Variants in CEP68 observed in about 807,000 individuals in gnomAD.
CEP68 encodes the protein centrosomal protein of 68 kDa.
Under a neutral mutation model 55.3 loss-of-function variants are expected in CEP68, and 26 were observed. That is an observed-to-expected ratio of 0.47 (90% CI 0.34 to 0.65). The LOEUF is 0.65. Among genes scored for constraint, CEP68 ranks in the 30% least tolerant of loss-of-function variants. CEP68 has a pLI of 0.01. For missense variants in CEP68, 957 were observed against 946.7 expected (o/e 1.01, Z -0.14); for synonymous variants, 402 against 383.2 (o/e 1.05, Z -0.57).
intron 1 of CEP68, among the ~76,000 whole-genome samples, chr2:65,061,565 T>A (rs986975821): frequency 6.6e-6 from 1 of 152,224 alleles, no homozygotes; most frequent in Non-Finnish European, 1.5e-5. Context: ...TTACTTTGAT[T>A]TTACCTGCAG....
intron 1 of CEP68, among the ~76,000 whole-genome samples, chr2:65,058,189 C>G (rs1374175504): frequency 6.6e-6 from 1 of 152,120 alleles, no homozygotes; most frequent in Non-Finnish European, 1.5e-5. Context: ...TTCAGGATCT[C>G]TCTGTTTTTT....
chr2:65,082,737 T>C, intron 6 of CEP68, 28 bp downstream of exon 6: 4 of 1,514,648 alleles, frequency 2.6e-6, no homozygotes, highest in Non-Finnish European at 3.5e-6. Flanking sequence ...AAAAGAAAAT[T>C]TGCCCACCAA....
rs901401430 is a variant in CEP68 at position 65,074,274 on chromosome 2, C to G, written c.1885-8C>G. On this transcript the variant is annotated splice_polypyrimidine_tract_variant and splice_region_variant and intron_variant, in intron 3 of 6. Transcript: ENST00000377990. ...TAACACCATGTGTCCTTTTATTTGTCTCTGCAGACATTTTGCTGTCAGCTG... is the reference window on the plus strand; with the variant it reads ...TAACACCATGTGTCCTTTTATTTGTGTCTGCAGACATTTTGCTGTCAGCTG... The G allele has an allele frequency of 6.2e-7, 1 of 1,613,854 alleles. No individual in the cohort carries two copies. Among genetic ancestry groups the G allele is most frequent in the Non-Finnish European group, 8.5e-7 (1 of 1,179,792 alleles).
chr2:65,065,973 C>A lies in CEP68; in HGVS notation c.-46-3426C>A, dbSNP rs890311488. ...TTCATCTTAAAAAAAAAAAAAAAAACACAAGATTATGATTTACCTGCTTAC... is the reference window on the plus strand; with the variant it reads ...TTCATCTTAAAAAAAAAAAAAAAAAAACAAGATTATGATTTACCTGCTTAC... On this transcript the variant is annotated intron_variant, in intron 1 of 6. Transcript: ENST00000377990. 6.3e-5 allele frequency among the ~76,000 whole-genome samples: 9 copies of A among 142,682 alleles called. No individual in the cohort carries two copies. The South Asian group carries it at 6.5e-4, about 10-fold the overall frequency. 93.6% of individuals were successfully genotyped at this position (142,682 alleles called of 152,430 possible).
intron 4 of CEP68, 95 bp downstream of exon 4, chr2:65,074,499 A>G (rs1323207815): frequency 6.4e-7 from 1 of 1,551,282 alleles, no homozygotes; most frequent in Non-Finnish European, 8.9e-7. Context: ...AATGTCTGGT[A>G]TGTTATAGCT....
chr2:65,072,592 T>C lies in CEP68; in HGVS notation c.1496T>C (p.Leu499Pro). ...CAGGTTTCTAGCCTGGTTTCGTATC[T>C]AGGATCCATTTCTACCTTGGTTACC... ...LTQVSSLVSY[L>P]GSISTLVTLP... The change falls in exon 3 of 7, where the codon CTA becomes CCA. Residue 499 changes from leucine (L) to proline (P), a missense_variant. Physicochemically the swap from Leu to Pro is moderately conservative, Grantham distance 98. Transcript: ENST00000377990. The C allele has an allele frequency of 6.2e-7, 1 of 1,613,982 alleles. No homozygotes were observed. Among genetic ancestry groups the C allele is most frequent in the Non-Finnish European group, 8.5e-7 (1 of 1,179,976 alleles).
At chr2:65,060,214 C>T (rs545641401) in intron 1 of CEP68, among the ~76,000 whole-genome samples, 1 of 142,596 alleles carries the variant, frequency 7.0e-6, no homozygotes, top group South Asian at 2.3e-4. Context: ...TTGTAGCAGC[C>T]AAAGCAAAGA....
chr2:65,058,409 G>T (rs1558551915), intron 1 of CEP68, among the ~76,000 whole-genome samples: 1 of 150,630 alleles, frequency 6.6e-6, no homozygotes, highest in Non-Finnish European at 1.5e-5. Context: ...TCTCTATATT[G>T]CCCAGGCTTG....
Position 65,065,865 on chromosome 2 carries a change from A to T in CEP68, c.-46-3534A>T, listed in dbSNP as rs531571893. On this transcript the variant is annotated intron_variant, in intron 1 of 6. Transcript: ENST00000377990. ...CAGCTACTCAGAAGGCTGAAGCAGGAGAATTGCTTGAAGCCAGGGGCCGGA... is the reference window on the plus strand; with the variant it reads ...CAGCTACTCAGAAGGCTGAAGCAGGTGAATTGCTTGAAGCCAGGGGCCGGA... 4.9e-4 allele frequency among the ~76,000 whole-genome samples: 75 copies of T among 151,780 alleles called. 1 individual carries two copies. The highest frequency in any genetic ancestry group is 1.4e-3 in the African/African-American group (60 of 41,408).
At chr2:65,077,120 C>G (rs973071705) in intron 4 of CEP68, among the ~76,000 whole-genome samples, 2 of 151,176 alleles carry the variant, frequency 1.3e-5, no homozygotes, top group Non-Finnish European at 2.9e-5. Context: ...CTCACCCTCC[C>G]GAGTAGCTGG....
At chr2:65,068,536 G>C (rs966019802) in intron 1 of CEP68, among the ~76,000 whole-genome samples, 3 of 152,214 alleles carry the variant, frequency 2.0e-5, no homozygotes, top group Non-Finnish European at 4.4e-5. Context: ...GAGAGTTGCT[G>C]ATCTCTTTCT....
rs1300350628 is a variant in CEP68, at chr2:65,084,379, C to G, written c.*745C>G. On this transcript the variant is annotated 3_prime_UTR_variant, in exon 7 of 7. Transcript: ENST00000377990. Reference sequence around the variant, plus strand: ...TTTGGGAGGACTCCTCCCTTCACTCCTAGTCTCCCTTGGAAGAGCAGTCCA... The same window carrying G: ...TTTGGGAGGACTCCTCCCTTCACTCGTAGTCTCCCTTGGAAGAGCAGTCCA... 2 of 152,170 alleles carry G rather than the reference C, an allele frequency of 1.3e-5. No individual in the cohort carries two copies. Among genetic ancestry groups the G allele is most frequent in the Non-Finnish European group, 2.9e-5 (2 of 68,044 alleles). 9.4% of individuals were successfully genotyped at this position (152,170 alleles called of 1,614,324 possible).
At chr2:65,070,944 G>C (rs1676430230) in intron 2 of CEP68, 1 of 159,474 alleles carries the variant, frequency 6.3e-6, no homozygotes, top group Non-Finnish European at 1.4e-5. Context: ...TCCCTCGGGG[G>C]TGAGTTCTTC....
At position 65,071,997 on chromosome 2, in the gene CEP68, G is replaced by A. The variant is rs775098664; in HGVS notation, c.901G>A (p.Asp301Asn). 1.2e-6 allele frequency: 2 copies of A among 1,613,022 alleles called. No homozygotes were observed. Among genetic ancestry groups the A allele is most frequent in the Non-Finnish European group, 1.7e-6 (2 of 1,179,990 alleles). Residue 301 changes from aspartate to asparagine, a missense_variant, in exon 3 of 7, where the codon GAT becomes AAT. Transcript: ENST00000377990. ...CTGGAACCCAAATAAAGAGTATGAA[G>A]ATCTGCTTGACTATACTTACCCACT... Reference protein sequence around the residue: ...PLWNPNKEYEDLLDYTYPLRP... With the variant: ...PLWNPNKEYENLLDYTYPLRP...
chr2:65,073,439 G>A, intron 3 of CEP68: 1 of 266,508 alleles, frequency 3.8e-6, no homozygotes, highest in Admixed American at 5.0e-5. Context: ...CAAAGTTAGG[G>A]GCATTGGATG....
intron 1 of CEP68, among the ~76,000 whole-genome samples, chr2:65,062,023 T>G (rs1675933730): frequency 6.6e-6 from 1 of 152,232 alleles, no homozygotes. Flanking sequence ...TGCCACTGTG[T>G]GTTCATGGCA....
In CEP68 at chr2:65,071,479, C is replaced by G. The variant is rs1676458477; in HGVS notation, c.383C>G (p.Ser128Cys). The G allele has an allele frequency of 6.2e-6, 10 of 1,614,026 alleles. No individual in the cohort carries two copies. The highest frequency in any genetic ancestry group is 6.8e-6 in the Non-Finnish European group (8 of 1,179,894). The change falls in exon 3 of 7, where the codon TCC becomes TGC. Residue 128 changes from serine (S) to cysteine (C), a missense_variant. Transcript: ENST00000377990. Reference sequence around the variant, plus strand: ...GTGGAGAAGACCAAGCTTTCTTCCTCCGAGGAGTTCCCTCAGACTCTGAGC... The same window carrying G: ...GTGGAGAAGACCAAGCTTTCTTCCTGCGAGGAGTTCCCTCAGACTCTGAGC... ...SQVEKTKLSS[S>C]EEFPQTLSLP...
chr2:65,079,339 G>A (rs1463080996), intron 5 of CEP68, among the ~76,000 whole-genome samples: 1 of 152,154 alleles, frequency 6.6e-6, no homozygotes, highest in Admixed American at 6.5e-5. Context: ...CAGCACCCCT[G>A]GCCCCAGTAA....
chr2:65,074,443 G>T, intron 4 of CEP68, 39 bp downstream of exon 4: 1 of 1,613,750 alleles, frequency 6.2e-7, no homozygotes, highest in South Asian at 1.1e-5. Flanking sequence ...TCCCTCACAA[G>T]AGTGTGGCTA....
Sources: gnomAD v4.1 joint callset for allele counts (sites outside exome capture counted in the v4.1 genomes callset) on GRCh38, gnomAD v4.1.1 for gene constraint, MANE v1.5 for transcripts, NCBI Gene and HGNC (gene_info 2026-07-23, HGNC 2026-07-21) for gene names.